The following TRRAP variants were observed in gnomAD, a reference collection of about 807,000 sequenced individuals.
TRRAP encodes transformation/transcription domain-associated protein.
In TRRAP, 41 loss-of-function variants were observed where a neutral mutation model predicts 438.8. The observed-to-expected ratio is 0.09, with a 90% CI of 0.07 to 0.12. The LOEUF (loss-of-function observed/expected upper bound fraction) is 0.12. TRRAP is among the 10% of genes least tolerant of loss of function. TRRAP has a pLI of 1.00. For missense variants in TRRAP, 3,122 were observed against 5,055.1 expected (o/e 0.62, Z 11.60); for synonymous variants, 1,994 against 1,962.9 (o/e 1.02, Z -0.42).
At chr7:98,995,097 G>A (rs1227750553) in intron 67 of TRRAP, among the ~76,000 whole-genome samples, 1 of 152,176 alleles carries the variant, frequency 6.6e-6, no homozygotes, top group Non-Finnish European at 1.5e-5. Context: ...ATGGTTTCAG[G>A]CCACACTGCC....
chr7:98,958,455 A>T lies in TRRAP; in HGVS notation c.6342+364A>T, dbSNP rs562721858. Among the ~76,000 whole-genome samples, 12 of 152,118 alleles carry T rather than the reference A, an allele frequency of 7.9e-5. No homozygotes were observed. In the South Asian group the frequency reaches 2.5e-3, roughly 32 times the overall value. ...GCTGGGATTACAGGCGCGTGCCACC[A>T]CACCCAGCTAGTTTTTGTATTTTTG... On this transcript the variant is annotated intron_variant, in intron 44 of 72. Coordinates refer to ENST00000456197, the MANE Select transcript of TRRAP (RefSeq NM_001375524.1).
chr7:98,941,424 C>T (rs1459236374), intron 30 of TRRAP, among the ~76,000 whole-genome samples: 1 of 152,176 alleles, frequency 6.6e-6, no homozygotes, highest in Non-Finnish European at 1.5e-5. Flanking sequence ...GATCTGTACA[C>T]CTCCCAAAGT....
chr7:98,999,430 C>G (rs1584409011), intron 67 of TRRAP: 2 of 1,018,608 alleles, frequency 2.0e-6, no homozygotes. Context: ...CCTCCAAAAT[C>G]TAGCTCTGAT....
rs1792431448 is a variant in TRRAP at position 98,971,801 on chromosome 7, T to C, written c.7695T>C (p.Asp2565=). 1.2e-6 allele frequency: 2 copies of C among 1,613,614 alleles called. No homozygotes were observed. The highest frequency in any genetic ancestry group is 8.5e-7 in the Non-Finnish European group (1 of 1,179,892). The change falls in exon 53 of 73, where the codon GAT becomes GAC. Residue 2565 remains aspartate, a splice_region_variant and synonymous_variant. Transcript: ENST00000456197. ...ERENSESKEE[D]VEIDIELAPG... The stretch of plus-strand genomic sequence containing the variant: ...TTGCTTGCTGCTTTGTTTCTTAGGA[T>C]GTAGAGATAGACATCGAACTAGCTC...
chr7:98,892,824 C>T (rs1445459770), intron 5 of TRRAP, among the ~76,000 whole-genome samples: 6 of 152,230 alleles, frequency 3.9e-5, no homozygotes, highest in Admixed American at 3.9e-4. Flanking sequence ...GAGTGGCTCA[C>T]TTGCATTGTT....
chr7:98,952,351 C>T (rs1214244676), intron 39 of TRRAP, among the ~76,000 whole-genome samples: 1 of 152,054 alleles, frequency 6.6e-6, no homozygotes, highest in African/African-American at 2.4e-5. Context: ...GATCATAATG[C>T]AGAAAAATGA....
intron 18 of TRRAP, among the ~76,000 whole-genome samples, chr7:98,913,124 C>T (rs1373492393): frequency 6.8e-6 from 1 of 147,408 alleles, no homozygotes; most frequent in East Asian, 1.9e-4. Context: ...CAGCCCGCCC[C>T]AGAGTCACTA....
At chr7:98,955,062 T>G in intron 40 of TRRAP, 36 bp from the exon 41 acceptor site, 2 of 1,584,782 alleles carry the variant, frequency 1.3e-6, no homozygotes, top group South Asian at 1.1e-5. Context: ...AAAGCCTTCC[T>G]TCTCATCCTC....
At chr7:98,968,918 G>C (rs1020428575) in intron 51 of TRRAP, among the ~76,000 whole-genome samples, 2 of 152,252 alleles carry the variant, frequency 1.3e-5, no homozygotes, top group East Asian at 1.9e-4. Flanking sequence ...CACTGGGTCA[G>C]GTGCTAAAAA....
rs1051751165 is a variant in TRRAP, at chr7:98,965,811, A to G, written c.7092A>G (p.Lys2364=). 6.2e-7 allele frequency: 1 copy of G among 1,614,084 alleles called. No homozygotes were observed. ...IQAILTSLIE[K]SPDAKILRAV... is the part of the protein sequence containing the mutation. ...CCATCCTGACATCCCTCATCGAAAA[A>G]TCACCAGATGCCAAAATCCTCCGGG... The change falls in exon 49 of 73, where the codon AAA becomes AAG. Residue 2364 remains lysine, a synonymous_variant. Transcript: ENST00000456197.
intron 27 of TRRAP, among the ~76,000 whole-genome samples, chr7:98,933,822 C>T (rs1261534449): frequency 1.3e-5 from 2 of 152,226 alleles, no homozygotes; most frequent in African/African-American, 4.8e-5. Context: ...GCCCTAAGTT[C>T]TGACAGCACC....
intron 47 of TRRAP, among the ~76,000 whole-genome samples, chr7:98,962,788 C>T (rs1791971802): frequency 6.6e-6 from 1 of 152,244 alleles, no homozygotes; most frequent in African/African-American, 2.4e-5. Context: ...GAGTCAGCCA[C>T]TCACAAGATG....
chr7:98,911,385 A>G, intron 17 of TRRAP, 114 bp downstream of exon 17: 1 of 1,039,874 alleles, frequency 9.6e-7, no homozygotes, highest in Non-Finnish European at 1.3e-6. Context: ...GGATGTGCTT[A>G]TAGCTCAAAA....
At chr7:98,920,911 C>T (rs1789759937) in intron 20 of TRRAP, among the ~76,000 whole-genome samples, 1 of 152,134 alleles carries the variant, frequency 6.6e-6, no homozygotes, top group Non-Finnish European at 1.5e-5. Flanking sequence ...GCAATCTTGG[C>T]TCACCAAAAC....
intron 45 of TRRAP, 47 bp downstream of exon 45, chr7:98,959,537 T>C (rs1189480145): frequency 4.4e-6 from 7 of 1,586,602 alleles, no homozygotes; most frequent in Non-Finnish European, 5.1e-6. Context: ...CCGAGGCCAC[T>C]AGCAGATACT....
In TRRAP at chr7:98,986,054, T is replaced by C. The variant is rs544204119; in HGVS notation, c.9389+1010T>C. ...TAGAAGCATACACTGTGTGGCCTTT[T>C]GTGACTGTCTTCTTTCACTTAGCAG... On this transcript the variant is annotated intron_variant, in intron 62 of 72. Transcript: ENST00000456197. Among the ~76,000 whole-genome samples, 26 of 152,378 alleles carry C rather than the reference T, an allele frequency of 1.7e-4. No individual in the cohort carries two copies. The South Asian group carries it at 4.1e-3, about 24-fold the overall frequency.
At chr7:99,010,273 A>C (rs1470138341) in intron 70 of TRRAP, among the ~76,000 whole-genome samples, 3 of 152,186 alleles carry the variant, frequency 2.0e-5, no homozygotes, top group Non-Finnish European at 4.4e-5. Context: ...AGTTCTGACA[A>C]AGTTGATTTT....
At chr7:98,917,326 T>C (rs1172030889) in intron 19 of TRRAP, 97 bp from the exon 20 acceptor site, 1 of 1,499,636 alleles carries the variant, frequency 6.7e-7, no homozygotes, top group Admixed American at 1.9e-5. Flanking sequence ...TGTGCTGATG[T>C]GCACAAGAGA....
intron 18 of TRRAP, among the ~76,000 whole-genome samples, chr7:98,912,753 G>A (rs1469161009): frequency 6.6e-6 from 1 of 152,078 alleles, no homozygotes; most frequent in Non-Finnish European, 1.5e-5. Context: ...CAAATATGGT[G>A]TGACAGTGCC....
Sources: allele counts gnomAD v4.1 joint callset (sites outside exome capture counted in the v4.1 genomes callset), GRCh38; gene constraint gnomAD v4.1.1; transcripts MANE v1.5; gene names NCBI Gene and HGNC (gene_info 2026-07-23, HGNC 2026-07-21).